Variants in ZNF835 observed in about 807,000 individuals in gnomAD.
ZNF835 encodes zinc finger protein 835.
For missense variants in ZNF835, 783 were observed against 758.4 expected, an observed-to-expected ratio of 1.03 and a Z score of -0.38; for synonymous variants, 323 against 324.7, an observed-to-expected ratio of 0.99 and a Z score of 0.06.
intron 1 of ZNF835, among the ~76,000 whole-genome samples, chr19:56,669,491 C>T (rs2045272514): frequency 6.6e-6 from 1 of 152,140 alleles, no homozygotes; most frequent in Non-Finnish European, 1.5e-5. Context: ...GCAACCAGCC[C>T]ATCCTAGGGG....
chr19:56,663,577 C>T lies in ZNF835; in HGVS notation c.*8G>A. The T allele has an allele frequency of 6.2e-7, 1 of 1,613,874 alleles. No homozygotes were observed. The highest frequency in any genetic ancestry group is 1.1e-5 in the South Asian group (1 of 91,078). On this transcript the variant is annotated 3_prime_UTR_variant, in exon 2 of 2. Transcript: ENST00000537055. Reference sequence around the variant, plus strand: ...GCATTGTGAGGTTGGAAAGGAGGCCCTCAGCTCTTAATCTTCTGCTGGTCC... The same window carrying T: ...GCATTGTGAGGTTGGAAAGGAGGCCTTCAGCTCTTAATCTTCTGCTGGTCC...
In ZNF835 at chr19:56,664,414, G is replaced by A. The variant is rs1422731054; in HGVS notation, c.785C>T (p.Ser262Phe). The stretch of plus-strand genomic sequence containing the variant: ...GCGCTGGTGGCGGATGAGCGCTGAG[G>A]AGAAGCGGAAGGCCTTGGCGCACGC... ...CSACAKAFRFSSALIRHQRIH... is the reference protein window; with the variant it reads ...CSACAKAFRFFSALIRHQRIH... The change falls in exon 2 of 2, where the codon TCC (serine) becomes TTC (phenylalanine). Residue 262 changes from serine to phenylalanine, a missense_variant. Ser to Phe is a radical substitution (Grantham distance 155). Coordinates refer to ENST00000537055, the MANE Select transcript of ZNF835 (RefSeq NM_001005850.3). The A allele has an allele frequency of 6.2e-7, 1 of 1,608,916 alleles. No individual in the cohort carries two copies. The highest frequency in any genetic ancestry group is 8.5e-7 in the Non-Finnish European group (1 of 1,178,234).
rs994712682 is a variant in ZNF835 at position 56,664,832 on chromosome 19, A to G, written c.367T>C (p.Ser123Pro). 6.2e-7 allele frequency: 1 copy of G among 1,611,300 alleles called. No homozygotes were observed. Among genetic ancestry groups the G allele is most frequent in the Non-Finnish European group, 8.5e-7 (1 of 1,177,796 alleles). Residue 123 changes from serine to proline, a missense_variant, in exon 2 of 2, where the codon TCA (serine) becomes CCA (proline). Coordinates refer to ENST00000537055, the MANE Select transcript of ZNF835 (RefSeq NM_001005850.3). ...ATTCTCTGGTGTAAGATGAACGCTGAACAGTAGCTGAAGGCCTTCCCGCAG... is the reference window on the plus strand; with the variant it reads ...ATTCTCTGGTGTAAGATGAACGCTGGACAGTAGCTGAAGGCCTTCCCGCAG... ...GDCGKAFSYC[S>P]AFILHQRIHT...
chr19:56,664,892 C>T lies in ZNF835; in HGVS notation c.307G>A (p.Gly103Ser), dbSNP rs1343016894. 21 of 1,613,936 alleles carry T rather than the reference C, an allele frequency of 1.3e-5. No homozygotes were observed. The highest frequency in any genetic ancestry group is 1.5e-5 in the Non-Finnish European group (18 of 1,179,890). The change falls in exon 2 of 2, where the codon GGT (glycine) becomes AGT (serine). Residue 103 changes from glycine (G) to serine (S), a missense_variant. Physicochemically the swap from Gly to Ser is moderately conservative, Grantham distance 56. Coordinates refer to ENST00000537055, the MANE Select transcript of ZNF835 (RefSeq NM_001005850.3). ...TTCCACGGCTTCTTGGGGCCTCCAC[C>T]TCTCTCCCGCTGGCGGCTGTCAGGA... ...RHPDSRQRER[G>S]GGPKKPWKCG...
chr19:56,663,687 G>A lies in ZNF835; in HGVS notation c.1512C>T (p.Cys504=). The change falls in exon 2 of 2, where the codon TGC becomes TGT. Residue 504 remains cysteine, a synonymous_variant. Coordinates refer to ENST00000537055, the MANE Select transcript of ZNF835 (RefSeq NM_001005850.3). ...GTGTTGAGTCAGGCGTGGGAGCTGG[G>A]CAAAGGCGTCCCGAACTGTCTGCAT... ...RTHADSSGRL[C]PAPTPDSTPG... 6.2e-7 allele frequency: 1 copy of A among 1,614,028 alleles called. No homozygotes were observed. The highest frequency in any genetic ancestry group is 8.5e-7 in the Non-Finnish European group (1 of 1,179,894).
At chr19:56,665,344 C>T (rs1030979180) in intron 1 of ZNF835, 99 bp from the exon 2 acceptor site, 26 of 1,069,230 alleles carry the variant, frequency 2.4e-5, no homozygotes, top group Non-Finnish European at 3.4e-5. Context: ...AGCATGGGGT[C>T]CCTGGACCTC....
At position 56,664,454 on chromosome 19, in the gene ZNF835, G is replaced by T; in HGVS notation, c.745C>A (p.Pro249Thr). 6.2e-7 allele frequency: 1 copy of T among 1,612,838 alleles called. No individual in the cohort carries two copies. The highest frequency in any genetic ancestry group is 8.5e-7 in the Non-Finnish European group (1 of 1,179,380). The change falls in exon 2 of 2, where the codon CCC becomes ACC. Residue 249 changes from proline (P) to threonine (T), a missense_variant. Coordinates refer to ENST00000537055, the MANE Select transcript of ZNF835 (RefSeq NM_001005850.3). ...TTGGCGCACGCGGAGCACTCGTAGG[G>T]CTTCTCACCGGTGTGGATGCGCTGG... The part of the protein sequence containing the change: ...EHQRIHTGEK[P>T]YECSACAKAF...
At chr19:56,666,399 G>C (rs1201259062) in intron 1 of ZNF835, among the ~76,000 whole-genome samples, 2 of 152,168 alleles carry the variant, frequency 1.3e-5, no homozygotes, top group African/African-American at 4.8e-5. Context: ...GAGCCACCGC[G>C]CTTGGCTGGG....
In ZNF835 at chr19:56,663,810, C is replaced by T. The variant is rs900988347; in HGVS notation, c.1389G>A (p.Gln463=). ...KAFSNRSYLI[Q]HHIVHTGEKP... ...TCTCCCCGGTGTGCACGATGTGGTG[C>T]TGGATCAGGTAGGAGCGGTTGCTGA... is the stretch of plus-strand genomic sequence containing the variant. The change falls in exon 2 of 2, where the codon CAG becomes CAA. Residue 463 remains glutamine, a synonymous_variant. Coordinates refer to ENST00000537055, the MANE Select transcript of ZNF835 (RefSeq NM_001005850.3). 1.9e-6 allele frequency: 3 copies of T among 1,614,092 alleles called. No homozygotes were observed. The highest frequency in any genetic ancestry group is 2.5e-6 in the Non-Finnish European group (3 of 1,180,008).
At position 56,663,528 on chromosome 19, in the gene ZNF835, G is replaced by A. The variant is rs1284608767; in HGVS notation, c.*57C>T. 2.5e-6 allele frequency: 4 copies of A among 1,605,680 alleles called. No homozygotes were observed. Among genetic ancestry groups the A allele is most frequent in the Non-Finnish European group, 3.4e-6 (4 of 1,176,418 alleles). ...TCGGTTTCCTCACAGGAAGCGTCGGGGATAACACAGTATCTCCCCCATAGC... is the reference window on the plus strand; with the variant it reads ...TCGGTTTCCTCACAGGAAGCGTCGGAGATAACACAGTATCTCCCCCATAGC... On this transcript the variant is annotated 3_prime_UTR_variant, in exon 2 of 2. Coordinates refer to ENST00000537055, the MANE Select transcript of ZNF835 (RefSeq NM_001005850.3).
At chr19:56,667,139 T>C (rs1054041706) in intron 1 of ZNF835, among the ~76,000 whole-genome samples, 1 of 152,222 alleles carries the variant, frequency 6.6e-6, no homozygotes, top group Non-Finnish European at 1.5e-5. Context: ...GTCACTGTTT[T>C]TTAGAAAGCC....
At position 56,663,401 on chromosome 19, in the gene ZNF835, C is replaced by G; in HGVS notation, c.*184G>C. ...CCCGTGCCCCATTTATAATTTTGCA[C>G]CAGGAAGACCGCAGGGGAGTCTGGC... On this transcript the variant is annotated 3_prime_UTR_variant, in exon 2 of 2. Coordinates refer to ENST00000537055, the MANE Select transcript of ZNF835 (RefSeq NM_001005850.3). 1.3e-6 allele frequency: 1 copy of G among 792,112 alleles called. No individual in the cohort carries two copies. Among genetic ancestry groups the G allele is most frequent in the Non-Finnish European group, 2.0e-6 (1 of 509,412 alleles). 49.1% of individuals were successfully genotyped at this position (792,112 alleles called of 1,614,324 possible). A position where few individuals can be genotyped will look rare whatever the true frequency, so the allele number is the denominator to read the frequency against.
Position 56,664,004 on chromosome 19 carries a change from A to C in ZNF835, c.1195T>G (p.Phe399Val). 1 of 1,612,540 alleles carries C rather than the reference A, an allele frequency of 6.2e-7. No individual in the cohort carries two copies. The highest frequency in any genetic ancestry group is 8.5e-7 in the Non-Finnish European group (1 of 1,179,430). ...PYRCLQCGAAFSHVSSLIEHQ... is the reference protein window; with the variant it reads ...PYRCLQCGAAVSHVSSLIEHQ... ...TCTATAAGCGAGGACACGTGGCTGA[A>C]GGCGGCCCCGCATTGCAGGCACCTG... The change falls in exon 2 of 2, where the codon TTC (phenylalanine) becomes GTC (valine). Residue 399 changes from phenylalanine (F) to valine (V), a missense_variant. Physicochemically the swap from Phe to Val is conservative, Grantham distance 50. Transcript: ENST00000537055.
At chr19:56,667,570 G>A (rs572175060) in intron 1 of ZNF835, among the ~76,000 whole-genome samples, 1 of 152,346 alleles carries the variant, frequency 6.6e-6, no homozygotes, top group East Asian at 1.9e-4. Context: ...CTCACACACA[G>A]GCATTCCCTG....
chr19:56,669,512 G>C (rs1249869048), intron 1 of ZNF835, among the ~76,000 whole-genome samples: 1 of 106,128 alleles, frequency 9.4e-6, no homozygotes, highest in Non-Finnish European at 1.9e-5. Context: ...CCTATCAGGA[G>C]TCCTCCATTA....
chr19:56,663,826 C>A lies in ZNF835; in HGVS notation c.1373G>T (p.Arg458Leu). ...GATGTGGTGCTGGATCAGGTAGGAGCGGTTGCTGAAGGCCTTGCCGCACTC... is the reference window on the plus strand; with the variant it reads ...GATGTGGTGCTGGATCAGGTAGGAGAGGTTGCTGAAGGCCTTGCCGCACTC... ...CPECGKAFSN[R>L]SYLIQHHIVH... Residue 458 changes from arginine to leucine, a missense_variant, in exon 2 of 2, where the codon CGC (arginine) becomes CTC (leucine). Transcript: ENST00000537055. 2 of 1,613,922 alleles carry A rather than the reference C, an allele frequency of 1.2e-6. No homozygotes were observed. Among genetic ancestry groups the A allele is most frequent in the South Asian group, 2.2e-5 (2 of 91,082 alleles).
intron 1 of ZNF835, chr19:56,665,533 A>G (rs942911651): frequency 5.4e-5 from 30 of 559,194 alleles, no homozygotes; most frequent in Admixed American, 3.5e-4. Context: ...TCATGCCTGC[A>G]ATCCCAGCAC....
At chr19:56,667,569 A>G (rs772484641) in intron 1 of ZNF835, among the ~76,000 whole-genome samples, 4 of 152,236 alleles carry the variant, frequency 2.6e-5, no homozygotes, top group Non-Finnish European at 5.9e-5. Flanking sequence ...CCTCACACAC[A>G]GGCATTCCCT....
chr19:56,669,301 G>A (rs4801353), intron 1 of ZNF835, among the ~76,000 whole-genome samples: 38,611 of 152,046 alleles, frequency 0.25, 5,354 homozygotes, highest in East Asian at 0.46. Flanking sequence ...GTGCTCGACA[G>A]CCCCAGAGCT....
Sources: gnomAD v4.1 joint callset for allele counts (sites outside exome capture counted in the v4.1 genomes callset) on GRCh38, gnomAD v4.1.1 for gene constraint, MANE v1.5 for transcripts, NCBI Gene and HGNC (gene_info 2026-07-23, HGNC 2026-07-21) for gene names.